VWF: variants seen among roughly 807,000 people sequenced by gnomAD.
VWF encodes von Willebrand factor.
VWF carries 176 observed loss-of-function variants against 308.6 expected under a neutral mutation model. The ratio of observed to expected loss-of-function variants is 0.57; its 90% CI spans 0.50 to 0.65. VWF has a LOEUF of 0.65. Ranked by LOEUF, VWF falls within the 30% of genes least tolerant of loss-of-function variation. The pLI is 0.00. For missense variants in VWF, 3,146 were observed against 3,648.2 expected (o/e 0.86, Z 3.55); for synonymous variants, 1,385 against 1,443.4 (o/e 0.96, Z 0.92).
intron 6 of VWF, among the ~76,000 whole-genome samples, chr12:6,081,273 G>A (rs1944907418): frequency 6.6e-6 from 1 of 152,130 alleles, no homozygotes; most frequent in Non-Finnish European, 1.5e-5. Flanking sequence ...GATACAGACA[G>A]CCTTTCAGAT....
intron 21 of VWF, among the ~76,000 whole-genome samples, chr12:6,030,449 T>TG (rs1210065223): frequency 1.3e-5 from 2 of 152,142 alleles, no homozygotes; most frequent in African/African-American, 4.8e-5. Flanking sequence ...GCTGAGGCCA[T>TG]GGGAGAAAAT....
At position 6,103,371 on chromosome 12, in the gene VWF, TGTGTGTGTATACAC is replaced by T. The variant is rs779703153; in HGVS notation, c.532+6989_532+7002del. ...GTGTGTATATATACATATATATGTG[TGTGTGTGTATACAC>T]GTGTGTGTATACACGTGTGTGTATA... On this transcript the variant is annotated intron_variant, in intron 5 of 51. Transcript: ENST00000261405. Among the ~76,000 whole-genome samples, 1,107 of 134,474 alleles carry T rather than the reference TGTGTGTGTATACAC, an allele frequency of 8.2e-3. 42 individuals are homozygous for T. The highest frequency in any genetic ancestry group is 0.017 in the South Asian group (75 of 4,490). 88.2% of individuals were successfully genotyped at this position (134,474 alleles called of 152,430 possible). A position where few individuals can be genotyped will look rare whatever the true frequency, so the allele number is the denominator to read the frequency against.
chr12:6,019,732 A>C lies in VWF; in HGVS notation c.3686T>G (p.Val1229Gly), dbSNP rs61749367. The C allele has an allele frequency of 2.2e-3, 3,603 of 1,610,354 alleles. 17 individuals carry two copies. Among genetic ancestry groups the C allele is most frequent in the African/African-American group, 0.016 (1,200 of 74,796 alleles). ...PEHCQICHCD[V>G]VNLTCEACQE... ...GCAGGCTTCACAGGTGAGGTTGACA[A>C]CATCACAGTGGCTGCAGAAAAGAGC... is the stretch of plus-strand genomic sequence containing the variant. Residue 1229 changes from valine to glycine, a missense_variant, in exon 28 of 52, where the codon GTT becomes GGT. By Grantham distance (109) the Val-to-Gly change is moderately radical. This residue lies in a region of VWF where 853 missense variants were observed against 1,177.8 expected (regional missense o/e 0.72). Coordinates refer to ENST00000261405, the MANE Select transcript of VWF (RefSeq NM_000552.5). The surrounding 1 kb of genome is among the most constrained non-coding windows in gnomAD (Gnocchi z 5.8).
intron 9 of VWF, among the ~76,000 whole-genome samples, chr12:6,072,087 C>G (rs996286450): frequency 6.6e-6 from 1 of 152,154 alleles, no homozygotes; most frequent in East Asian, 1.9e-4. Context: ...GATGTCTGCA[C>G]GTGAAGGATC....
intron 18 of VWF, among the ~76,000 whole-genome samples, chr12:6,040,128 G>C (rs773271693): frequency 6.6e-6 from 1 of 152,110 alleles, no homozygotes; most frequent in Non-Finnish European, 1.5e-5. Context: ...TGCCCTCTAC[G>C]ATGCTCCCAG....
chr12:5,989,590 ATCCAAAATATTTGGAT>A (rs2136380239), intron 38 of VWF, among the ~76,000 whole-genome samples: 2 of 152,366 alleles, frequency 1.3e-5, no homozygotes, highest in South Asian at 4.1e-4. Flanking sequence ...CGGTTTCTAC[ATCCAAAATATTTGGAT>A]GGAAACTTTA....
intron 31 of VWF, among the ~76,000 whole-genome samples, chr12:6,015,219 T>C (rs1182719995): frequency 1.3e-5 from 2 of 152,216 alleles, no homozygotes; most frequent in Non-Finnish European, 2.9e-5. Flanking sequence ...ACACAGATGA[T>C]ACAAAAATAA....
chr12:6,002,753 G>A (rs1312502390), intron 34 of VWF, among the ~76,000 whole-genome samples: 1 of 152,124 alleles, frequency 6.6e-6, no homozygotes, highest in Non-Finnish European at 1.5e-5. Context: ...CCAAAGACCT[G>A]ATAGTCCGAT....
intron 5 of VWF, among the ~76,000 whole-genome samples, chr12:6,103,443 C>CACACGTGTGTGT (rs1565391052): frequency 8.6e-5 from 10 of 115,760 alleles, no homozygotes; most frequent in Non-Finnish European, 1.7e-4. Flanking sequence ...TGTGTATATA[C>CACACGTGTGTGT]ATACACATAT....
chr12:6,065,058 A>T, intron 11 of VWF, 79 bp downstream of exon 11: 2 of 1,603,382 alleles, frequency 1.2e-6, no homozygotes, highest in Non-Finnish European at 1.7e-6. Context: ...CACGCCTTCC[A>T]GGGACTGCCC....
chr12:5,996,290 G>A (rs1943808169), intron 34 of VWF, 68 bp from the exon 35 acceptor site: 25 of 1,480,394 alleles, frequency 1.7e-5, no homozygotes, highest in Non-Finnish European at 2.3e-5. Flanking sequence ...CATGCAGACA[G>A]GCAGGTGTGA....
intron 47 of VWF, among the ~76,000 whole-genome samples, chr12:5,961,822 C>G (rs775568625): frequency 1.2e-4 from 19 of 152,004 alleles, no homozygotes; most frequent in Non-Finnish European, 1.9e-4. Flanking sequence ...TTAAAGGAGA[C>G]TGCTAAGATG....
At chr12:5,964,341 A>T (rs942301764) in intron 47 of VWF, among the ~76,000 whole-genome samples, 3 of 143,360 alleles carry the variant, frequency 2.1e-5, no homozygotes, top group Non-Finnish European at 3.1e-5. Context: ...ATCATTCCCT[A>T]AAAATTATTA....
At chr12:6,072,669 T>G (rs951187509) in intron 8 of VWF, among the ~76,000 whole-genome samples, 2 of 152,164 alleles carry the variant, frequency 1.3e-5, no homozygotes, top group Admixed American at 1.3e-4. Context: ...GGTCATCCAG[T>G]AGGGGAGGCA....
At chr12:6,122,630 C>G in intron 2 of VWF, 1 of 401,944 alleles carries the variant, frequency 2.5e-6, no homozygotes, top group Non-Finnish European at 4.9e-6. Context: ...AGTCCCCTCC[C>G]GCCATTTGCA....
At chr12:6,059,701 T>A (rs924224449) in intron 13 of VWF, among the ~76,000 whole-genome samples, 1 of 152,216 alleles carries the variant, frequency 6.6e-6, no homozygotes, top group African/African-American at 2.4e-5. Context: ...CGTAACACCA[T>A]CACCTTGGGG....
At chr12:6,009,034 T>C (rs1016304206) in intron 34 of VWF, among the ~76,000 whole-genome samples, 5 of 152,170 alleles carry the variant, frequency 3.3e-5, no homozygotes, top group African/African-American at 1.2e-4. Context: ...GGCGACGATT[T>C]CTTGGATATC....
intron 43 of VWF, among the ~76,000 whole-genome samples, chr12:5,974,133 G>A (rs1288563055): frequency 1.3e-5 from 2 of 152,124 alleles, no homozygotes; most frequent in African/African-American, 4.8e-5. Context: ...ATGAGCCCAA[G>A]TGCCTCTGAG....
chr12:6,081,332 G>GTTTTT (rs150420125), intron 6 of VWF, among the ~76,000 whole-genome samples: 2 of 149,978 alleles, frequency 1.3e-5, no homozygotes, highest in East Asian at 1.9e-4. Flanking sequence ...GGCCAGTGGT[G>GTTTTT]TTTTTTGTTT....
Sources: allele counts gnomAD v4.1 joint callset (sites outside exome capture counted in the v4.1 genomes callset), GRCh38; gene constraint gnomAD v4.1.1; regional missense constraint gnomAD v4.1.1; non-coding constraint Gnocchi (gnomAD v3.1); transcripts MANE v1.5; gene names NCBI Gene and HGNC (gene_info 2026-07-23, HGNC 2026-07-21).